Variants in COL28A1 observed in about 807,000 individuals in gnomAD.
COL28A1 encodes the protein collagen alpha-1(XXVIII) chain.
In COL28A1, 161 loss-of-function variants were observed where a neutral mutation model predicts 150.2. That is an observed-to-expected ratio of 1.07 (90% CI 0.94 to 1.22). COL28A1 has a LOEUF of 1.22. Ranked by LOEUF, COL28A1 falls within the 50% of genes most tolerant of loss-of-function variation. COL28A1 has a pLI of 0.00. For missense variants in COL28A1, 1,617 were observed against 1,388.3 expected (o/e 1.16, Z -2.62); for synonymous variants, 552 against 469.7 (o/e 1.18, Z -2.26).
Position 7,373,657 on chromosome 7 carries a change from C to G in COL28A1, c.2360-111G>C. The G allele has an allele frequency of 1.2e-6, 1 of 822,880 alleles. No individual in the cohort carries two copies. Among genetic ancestry groups the G allele is most frequent in the Admixed American group, 2.7e-5 (1 of 37,638 alleles). 51.0% of individuals were successfully genotyped at this position (822,880 alleles called of 1,614,324 possible). ...ACCTGAGACCTAAACTATTCTCTTC[C>G]TTTTCTGTGATTGTGAAAATACCTG... On this transcript the variant is annotated intron_variant, in intron 31 of 34. Transcript: ENST00000399429. The surrounding 1 kb of genome is among the most constrained non-coding windows in gnomAD (Gnocchi z 4.1).
chr7:7,476,701 T>G (rs1466539347), intron 14 of COL28A1, among the ~76,000 whole-genome samples: 1 of 152,242 alleles, frequency 6.6e-6, no homozygotes, highest in Non-Finnish European at 1.5e-5. Context: ...AAAATTTTCT[T>G]TCTTATTATA....
chr7:7,519,076 A>C (rs960048205), intron 6 of COL28A1, among the ~76,000 whole-genome samples: 2 of 152,190 alleles, frequency 1.3e-5, no homozygotes, highest in Non-Finnish European at 2.9e-5. Flanking sequence ...CTGCTAACAA[A>C]GACACACCTG....
chr7:7,436,091 C>T (rs1212826593), intron 23 of COL28A1, among the ~76,000 whole-genome samples: 1 of 152,158 alleles, frequency 6.6e-6, no homozygotes, highest in African/African-American at 2.4e-5. Flanking sequence ...ATACTTCAGC[C>T]ACTAATATGT....
intron 15 of COL28A1, among the ~76,000 whole-genome samples, chr7:7,471,125 TAAAAAA>T (rs746981344): frequency 2.7e-4 from 24 of 88,508 alleles, no homozygotes; most frequent in African/African-American, 7.8e-4. Context: ...AAAAAATAAT[TAAAAAA>T]AAAAAAAAAA....
chr7:7,461,765 A>T (rs1332762586), intron 15 of COL28A1, among the ~76,000 whole-genome samples: 1 of 152,066 alleles, frequency 6.6e-6, no homozygotes, highest in African/African-American at 2.4e-5. Flanking sequence ...GAGCTCAGAA[A>T]CACCTAGCCT....
intron 3 of COL28A1, among the ~76,000 whole-genome samples, chr7:7,527,036 C>T (rs1782061950): frequency 6.6e-6 from 1 of 152,152 alleles, no homozygotes; most frequent in African/African-American, 2.4e-5. Flanking sequence ...TTTTAAAATT[C>T]AATTTCTTCT....
rs150783745 is a variant in COL28A1, at chr7:7,422,301, C to T, written c.1999-2348G>A. Reference sequence around the variant, plus strand: ...GCTTCCTCTCATTCATTTCCGTTCACCTGTGCCCTTCCAAGATGAGGTGAA... The same window carrying T: ...GCTTCCTCTCATTCATTTCCGTTCATCTGTGCCCTTCCAAGATGAGGTGAA... On this transcript the variant is annotated intron_variant, in intron 25 of 34. Transcript: ENST00000399429. Among the ~76,000 whole-genome samples the T allele has an allele frequency of 5.9e-5, 9 of 152,254 alleles. 1 individual carries two copies. Among genetic ancestry groups the T allele is most frequent in the Admixed American group, 1.3e-4 (2 of 15,280 alleles).
intron 25 of COL28A1, among the ~76,000 whole-genome samples, chr7:7,428,900 A>G (rs961087134): frequency 5.3e-5 from 8 of 152,252 alleles, no homozygotes; most frequent in Admixed American, 3.9e-4. Flanking sequence ...GACAATAACC[A>G]CTGATGTTGC....
At position 7,366,804 on chromosome 7, in the gene COL28A1, G is replaced by A. The variant is rs183569612; in HGVS notation, c.3066+3921C>T. Among the ~76,000 whole-genome samples, 324 of 152,332 alleles carry A rather than the reference G, an allele frequency of 2.1e-3. 1 individual carries two copies. Among genetic ancestry groups the A allele is most frequent in the African/African-American group, 7.5e-3 (312 of 41,562 alleles). On this transcript the variant is annotated intron_variant, in intron 33 of 34. Coordinates refer to ENST00000399429, the MANE Select transcript of COL28A1 (RefSeq NM_001037763.3). ...GAGATCATTGTTTACTAGCTTTGCA[G>A]TATTGCCTAGGGTAGGCTCAGGAAG...
At position 7,400,975 on chromosome 7, in the gene COL28A1, G is replaced by GGTGTGTGTGTGTGT. The variant is rs60064708; in HGVS notation, c.2136+16870_2136+16883dup. Among the ~76,000 whole-genome samples, 1,050 of 119,078 alleles carry GGTGTGTGTGTGTGT rather than the reference G, an allele frequency of 8.8e-3. 26 individuals carry two copies. Among genetic ancestry groups the GGTGTGTGTGTGTGT allele is most frequent in the Non-Finnish European group, 8.2e-3 (488 of 59,348 alleles). 78.1% of individuals were successfully genotyped at this position (119,078 alleles called of 152,430 possible). On this transcript the variant is annotated intron_variant, in intron 27 of 34. Coordinates refer to ENST00000399429, the MANE Select transcript of COL28A1 (RefSeq NM_001037763.3). ...GTCCCATAGGACGTGTGGGTATTTG[G>GGTGTGTGTGTGTGT]GTGTGTGTGTGTGTGTGTGTGTGTG...
intron 27 of COL28A1, among the ~76,000 whole-genome samples, chr7:7,384,654 G>T (rs1163152120): frequency 6.6e-6 from 1 of 152,150 alleles, no homozygotes; most frequent in African/African-American, 2.4e-5. Flanking sequence ...AGTATCCAAG[G>T]TTTCAAGCAT....
chr7:7,366,412 G>A (rs1385980093), intron 33 of COL28A1, among the ~76,000 whole-genome samples: 1 of 152,148 alleles, frequency 6.6e-6, no homozygotes, highest in East Asian at 1.9e-4. Context: ...CAGGTTTCCT[G>A]ACTTCCAGGT....
chr7:7,455,749 C>A (rs1377198206), intron 16 of COL28A1, among the ~76,000 whole-genome samples: 1 of 152,110 alleles, frequency 6.6e-6, no homozygotes, highest in Non-Finnish European at 1.5e-5. Flanking sequence ...CTATTGTTCC[C>A]AAGGGGAACT....
intron 30 of COL28A1, among the ~76,000 whole-genome samples, chr7:7,378,594 C>T (rs76406255): frequency 0.013 from 2,028 of 152,204 alleles, 41 homozygotes; most frequent in African/African-American, 0.046. Context: ...GGGATACATT[C>T]GATCACAGAA....
chr7:7,526,367 T>C (rs1451950503), intron 3 of COL28A1, among the ~76,000 whole-genome samples: 1 of 152,176 alleles, frequency 6.6e-6, no homozygotes, highest in African/African-American at 2.4e-5. Flanking sequence ...CAACAAAATT[T>C]CCAAAAAAAC....
intron 4 of COL28A1, among the ~76,000 whole-genome samples, chr7:7,522,944 A>G (rs1479319667): frequency 6.6e-6 from 1 of 151,914 alleles, no homozygotes; most frequent in East Asian, 1.9e-4. Flanking sequence ...CGAGTTGGAC[A>G]AGCTTGATTT....
intron 20 of COL28A1, among the ~76,000 whole-genome samples, chr7:7,442,789 C>A (rs1785914998): frequency 6.6e-6 from 1 of 152,138 alleles, no homozygotes; most frequent in South Asian, 2.1e-4. Flanking sequence ...ATAATCCCAG[C>A]ACTTTGGGAG....
intron 7 of COL28A1, among the ~76,000 whole-genome samples, chr7:7,516,095 C>G (rs966613342): frequency 3.9e-5 from 6 of 152,204 alleles, no homozygotes; most frequent in African/African-American, 1.4e-4. Context: ...TATCCAGTTT[C>G]TTGCCCTTTG....
rs1388852431 is a variant in COL28A1, at chr7:7,531,397, G to C, written c.632C>G (p.Thr211Ser). The C allele has an allele frequency of 6.3e-7, 1 of 1,597,084 alleles. No homozygotes were observed. Among genetic ancestry groups the C allele is most frequent in the Non-Finnish European group, 8.6e-7 (1 of 1,168,468 alleles). The part of the protein sequence containing the change: ...LISGDSSSEP[T>S]LLLSDPTLVD... ...AAGGGTTGGATCACTCAACAGTAAA[G>C]TGGGTTCACTGGATGAATCCCCAGA... The change falls in exon 3 of 35, where the codon ACT becomes AGT. Residue 211 changes from threonine to serine, a missense_variant. Physicochemically the swap from Thr to Ser is moderately conservative, Grantham distance 58. Transcript: ENST00000399429.
Sources: allele counts gnomAD v4.1 joint callset (sites outside exome capture counted in the v4.1 genomes callset), GRCh38; gene constraint gnomAD v4.1.1; non-coding constraint Gnocchi (gnomAD v3.1); transcripts MANE v1.5; gene names NCBI Gene and HGNC (gene_info 2026-07-23, HGNC 2026-07-21).